Variants in GPR107 observed in about 807,000 individuals in gnomAD.
The protein encoded by GPR107 is G protein-coupled receptor 107, also known as protein GPR107.
Under a neutral mutation model 75.5 loss-of-function variants are expected in GPR107, and 31 were observed. That is an observed-to-expected ratio of 0.41 (90% confidence interval 0.31 to 0.55). GPR107 has a LOEUF of 0.55. Ranked by LOEUF, GPR107 falls within the 20% of genes least tolerant of loss-of-function variation. GPR107 has a pLI of 0.26. For synonymous variants in GPR107, 267 were observed against 251.3 expected (o/e 1.06, Z -0.59); for missense variants, 572 against 665.7 (o/e 0.86, Z 1.55).
At chr9:130,113,768 A>G (rs1042712267) in intron 14 of GPR107, among the ~76,000 whole-genome samples, 5 of 152,188 alleles carry the variant, frequency 3.3e-5, no homozygotes, top group Non-Finnish European at 7.3e-5. Context: ...TGGAAAGTTC[A>G]TTGATAAATT....
chr9:130,135,121 A>T lies in GPR107; in HGVS notation c.1659A>T (p.Ter553CysextTer5). The T allele has an allele frequency of 6.4e-7, 1 of 1,567,550 alleles. No homozygotes were observed. The change falls in exon 18 of 18, where the codon TGA becomes TGT. Residue 553 changes from the stop codon to cysteine, a stop_lost. Coordinates refer to ENST00000347136, the MANE Select transcript of GPR107 (RefSeq NM_020960.5). ...EPQGEWEGAV[*>C] ...AGGGCGAGTGGGAAGGCGCCGTGTGACAGAGCCGACCCTGAGGATGGCACT... is the reference window on the plus strand; with the variant it reads ...AGGGCGAGTGGGAAGGCGCCGTGTGTCAGAGCCGACCCTGAGGATGGCACT...
At chr9:130,070,594 G>C (rs1047188265) in intron 1 of GPR107, among the ~76,000 whole-genome samples, 2 of 152,112 alleles carry the variant, frequency 1.3e-5, no homozygotes, top group Admixed American at 1.3e-4. Context: ...GTGAGCCACC[G>C]CGCCTAGCCA....
At chr9:130,117,648 G>C (rs186265948) in intron 14 of GPR107, among the ~76,000 whole-genome samples, 1 of 152,176 alleles carries the variant, frequency 6.6e-6, no homozygotes. Context: ...TAAGTCAGAG[G>C]TACTCTTAAC....
chr9:130,093,877 C>G (rs1372837720), intron 9 of GPR107, among the ~76,000 whole-genome samples: 2 of 152,202 alleles, frequency 1.3e-5, no homozygotes, highest in East Asian at 3.9e-4. Flanking sequence ...AGTGCAGTGC[C>G]TAATCTCTAC....
intron 1 of GPR107, among the ~76,000 whole-genome samples, chr9:130,056,924 CA>C (rs11442007): frequency 9.5e-3 from 406 of 42,850 alleles, no homozygotes; most frequent in Non-Finnish European, 0.013. Context: ...GACTCCTTCT[CA>C]AAAAAAAAAA....
chr9:130,066,982 T>A (rs1830087276), intron 1 of GPR107, among the ~76,000 whole-genome samples: 1 of 148,478 alleles, frequency 6.7e-6, no homozygotes, highest in Non-Finnish European at 1.5e-5. Context: ...CGAGACTCCG[T>A]CTCCAAAAAA....
chr9:130,057,351 G>A (rs75182388), intron 1 of GPR107, among the ~76,000 whole-genome samples: 3,220 of 151,904 alleles, frequency 0.021, 47 homozygotes, highest in Middle Eastern at 0.034. Context: ...CTCAACAACA[G>A]CAACAAAAAT....
chr9:130,122,099 G>C (rs1402336268), intron 14 of GPR107, among the ~76,000 whole-genome samples: 1 of 152,082 alleles, frequency 6.6e-6, no homozygotes, highest in East Asian at 1.9e-4. Flanking sequence ...CACCGTGTTA[G>C]CCAGGATGGT....
chr9:130,074,635 T>A (rs1379916421), intron 1 of GPR107, among the ~76,000 whole-genome samples: 2 of 152,062 alleles, frequency 1.3e-5, no homozygotes, highest in East Asian at 3.9e-4. Flanking sequence ...AACCTTAGGA[T>A]TATCTTGTAT....
At chr9:130,089,035 T>G (rs987465333) in intron 7 of GPR107, among the ~76,000 whole-genome samples, 11 of 151,558 alleles carry the variant, frequency 7.3e-5, no homozygotes, top group African/African-American at 2.4e-5. Flanking sequence ...GGTGTGGTGG[T>G]GGTGGGCGCC....
chr9:130,090,793 ATACTT>A, intron 7 of GPR107, 78 bp from the exon 8 acceptor site: 1 of 576,236 alleles, frequency 1.7e-6, no homozygotes, highest in African/African-American at 1.9e-5. Flanking sequence ...AAAGTAAACA[ATACTT>A]TAAAAGAAAA....
intron 1 of GPR107, among the ~76,000 whole-genome samples, chr9:130,070,668 G>A (rs1003515252): frequency 1.3e-5 from 2 of 152,096 alleles, no homozygotes; most frequent in South Asian, 2.1e-4. Context: ...AGAAATTCAC[G>A]AAAGTATAAA....
chr9:130,126,015 C>G (rs1223326194), intron 15 of GPR107, among the ~76,000 whole-genome samples: 1 of 149,438 alleles, frequency 6.7e-6, no homozygotes, highest in Non-Finnish European at 1.5e-5. Flanking sequence ...AGATAGAGTG[C>G]CACTGCACTC....
At chr9:130,102,452 CT>C (rs1564675459) in intron 12 of GPR107, among the ~76,000 whole-genome samples, 1 of 152,166 alleles carries the variant, frequency 6.6e-6, no homozygotes, top group African/African-American at 2.4e-5. Flanking sequence ...CCGTCCTGGG[CT>C]TCCCTGAAAG....
At chr9:130,099,671 T>C in intron 10 of GPR107, 139 bp downstream of exon 10, 1 of 596,682 alleles carries the variant, frequency 1.7e-6, no homozygotes, top group South Asian at 2.1e-5. Context: ...CCTCCTCTTG[T>C]CTGGGAGGGC....
At chr9:130,064,246 G>A (rs1227439196) in intron 1 of GPR107, among the ~76,000 whole-genome samples, 7 of 125,892 alleles carry the variant, frequency 5.6e-5, no homozygotes, top group Admixed American at 9.8e-5. Flanking sequence ...GCCGGACTGC[G>A]GACTGCAGTG....
intron 14 of GPR107, 85 bp from the exon 15 acceptor site, chr9:130,124,830 C>T (rs1831632938): frequency 1.8e-5 from 14 of 799,192 alleles, no homozygotes; most frequent in Non-Finnish European, 2.9e-5. Context: ...GAGGTGGCCT[C>T]TTGACTGAGA....
chr9:130,068,890 T>G (rs1830132517), intron 1 of GPR107, among the ~76,000 whole-genome samples: 2 of 151,970 alleles, frequency 1.3e-5, no homozygotes, highest in Admixed American at 1.3e-4. Flanking sequence ...AGGTGCACAC[T>G]GCCACACCCA....
At chr9:130,094,173 G>A (rs1023594331) in intron 9 of GPR107, among the ~76,000 whole-genome samples, 10 of 152,134 alleles carry the variant, frequency 6.6e-5, no homozygotes, top group Admixed American at 2.0e-4. Flanking sequence ...GGCTGGGCGC[G>A]GTGGTACACG....
Sources: allele counts gnomAD v4.1 joint callset (sites outside exome capture counted in the v4.1 genomes callset), GRCh38; gene constraint gnomAD v4.1.1; transcripts MANE v1.5; gene names NCBI Gene and HGNC (gene_info 2026-07-23, HGNC 2026-07-21).